FSD2: variants seen among roughly 807,000 people sequenced by gnomAD.
FSD2 encodes the protein fibronectin type III and SPRY domain containing 2.
FSD2 carries 71 observed loss-of-function variants against 80.4 expected under a neutral mutation model. The observed-to-expected ratio is 0.88, with a 90% CI of 0.73 to 1.08. FSD2 has a LOEUF of 1.08. Ranked by LOEUF, FSD2 falls within the 50% of genes least tolerant of loss-of-function variation. The pLI is 0.00. For synonymous variants in FSD2, 361 were observed against 329.5 expected, an observed-to-expected ratio of 1.10 and a Z score of -1.03; for missense variants, 923 against 913.8, an observed-to-expected ratio of 1.01 and a Z score of -0.13.
intron 9 of FSD2, 76 bp from the exon 10 acceptor site, chr15:82,766,107 G>A: frequency 6.9e-7 from 1 of 1,455,478 alleles, no homozygotes; most frequent in Non-Finnish European, 9.1e-7. Flanking sequence ...CCCTTTCAAA[G>A]CTGGAAGGTT....
At chr15:82,798,013 T>G (rs558237421) in intron 1 of FSD2, among the ~76,000 whole-genome samples, 1 of 152,024 alleles carries the variant, frequency 6.6e-6, no homozygotes, top group Non-Finnish European at 1.5e-5. Context: ...AGAAGTATCA[T>G]AGATGACCAA....
At position 82,772,087 on chromosome 15, in the gene FSD2, C is replaced by T. The variant is rs770811186; in HGVS notation, c.1253G>A (p.Gly418Glu). The change falls in exon 7 of 13, where the codon GGG becomes GAG. Residue 418 changes from glycine to glutamate, a missense_variant. Transcript: ENST00000334574. ...SYRPVQDSSP[G>E]TDQAEFTVTV... is the part of the protein sequence containing the mutation. ...CAGAGCCTCACCTGCTTGGTCCGTCCCAGGTGAGCTGTCCTGCACTGGCCG... is the reference window on the plus strand; with the variant it reads ...CAGAGCCTCACCTGCTTGGTCCGTCTCAGGTGAGCTGTCCTGCACTGGCCG... 11 of 1,578,580 alleles carry T rather than the reference C, an allele frequency of 7.0e-6. No individual in the cohort carries two copies. In the South Asian group the frequency reaches 1.1e-4, roughly 15 times the overall value.
chr15:82,774,540 T>TA (rs2049666205), intron 6 of FSD2, among the ~76,000 whole-genome samples: 1 of 152,190 alleles, frequency 6.6e-6, no homozygotes, highest in Non-Finnish European at 1.5e-5. Context: ...GTCACACTGC[T>TA]AGGAAGTGGC....
At chr15:82,776,489 G>A (rs1225144346) in intron 6 of FSD2, among the ~76,000 whole-genome samples, 1 of 152,040 alleles carries the variant, frequency 6.6e-6, no homozygotes, top group Non-Finnish European at 1.5e-5. Flanking sequence ...GTGTTAAAAT[G>A]CATCAAAAAG....
intron 3 of FSD2, among the ~76,000 whole-genome samples, chr15:82,784,260 T>A (rs8028917): frequency 0.25 from 33,837 of 133,044 alleles, 4,102 homozygotes; most frequent in African/African-American, 0.34. Context: ...ATTTTATTTT[T>A]TTTTTATGGA....
In FSD2 at chr15:82,782,861, A is replaced by G; in HGVS notation, c.900T>C (p.Asp300=). The G allele has an allele frequency of 2.5e-6, 4 of 1,613,948 alleles. No homozygotes were observed. Among genetic ancestry groups the G allele is most frequent in the Non-Finnish European group, 3.4e-6 (4 of 1,179,898 alleles). ...GQLVSCGENL[D]TCKELMETIE... ...TTGTTTCCATCAGTTCTTTGCAAGTATCTAGGTTTTCTCCACAGCTGACCA... is the reference window on the plus strand; with the variant it reads ...TTGTTTCCATCAGTTCTTTGCAAGTGTCTAGGTTTTCTCCACAGCTGACCA... The change falls in exon 4 of 13, where the codon GAT becomes GAC. Residue 300 remains aspartate (D), a synonymous_variant. Transcript: ENST00000334574.
At chr15:82,797,683 G>A (rs1042595680) in intron 1 of FSD2, among the ~76,000 whole-genome samples, 11 of 152,102 alleles carry the variant, frequency 7.2e-5, no homozygotes, top group South Asian at 2.1e-4. Context: ...GGTGGCGGGC[G>A]CCTGTAGTCC....
chr15:82,803,837 G>C (rs146649372), intron 1 of FSD2, among the ~76,000 whole-genome samples: 253 of 152,228 alleles, frequency 1.7e-3, no homozygotes, highest in African/African-American at 6.0e-3. Context: ...GATTCAGAGA[G>C]TCCTGTGTTT....
chr15:82,783,085 T>C, intron 3 of FSD2, 60 bp from the exon 4 acceptor site: 1 of 1,233,066 alleles, frequency 8.1e-7, no homozygotes. Flanking sequence ...ATTAGAGTCT[T>C]TTGTTTTTTG....
chr15:82,790,548 G>A (rs942082803), intron 1 of FSD2, among the ~76,000 whole-genome samples: 12 of 151,314 alleles, frequency 7.9e-5, no homozygotes, highest in South Asian at 2.1e-4. Flanking sequence ...TGCCATTTGT[G>A]TGTGTGTGTG....
In FSD2 at chr15:82,768,811, A is replaced by C. The variant is rs923837855; in HGVS notation, c.1553+69T>G. On this transcript the variant is annotated intron_variant, in intron 9 of 12. Transcript: ENST00000334574. ...CCAACCTTCTCTTCAGACTCCGTAT[A>C]CTTCCTAAGCCATGTCACTGTATCA... 14 of 1,295,594 alleles carry C rather than the reference A, an allele frequency of 1.1e-5. No homozygotes were observed. In the African/African-American group the frequency reaches 2.1e-4, roughly 20 times the overall value. 80.3% of individuals were successfully genotyped at this position (1,295,594 alleles called of 1,614,324 possible).
At position 82,768,927 on chromosome 15, in the gene FSD2, A is replaced by G. The variant is rs749681750; in HGVS notation, c.1506T>C (p.Thr502=). The change falls in exon 9 of 13, where the codon ACT becomes ACC. Residue 502 remains threonine (T), a synonymous_variant. Coordinates refer to ENST00000334574, the MANE Select transcript of FSD2 (RefSeq NM_001007122.4). ...GACTTTCAGCCTGGGTCAGCTCCAC[A>G]GTGTACGAGTCCACAGGATTCAGGT... ...SGNLNPVDSY[T]VELTQAESPE... 1.1e-5 allele frequency: 18 copies of G among 1,602,184 alleles called. No individual in the cohort carries two copies. The highest frequency in any genetic ancestry group is 1.5e-5 in the Non-Finnish European group (18 of 1,174,508).
chr15:82,795,178 C>G (rs747086713), intron 1 of FSD2, among the ~76,000 whole-genome samples: 3 of 152,118 alleles, frequency 2.0e-5, no homozygotes, highest in Non-Finnish European at 2.9e-5. Context: ...TAGTTTCAAT[C>G]TATTTGTATT....
intron 1 of FSD2, among the ~76,000 whole-genome samples, chr15:82,792,343 T>C (rs934506551): frequency 1.3e-5 from 2 of 152,260 alleles, no homozygotes; most frequent in African/African-American, 4.8e-5. Context: ...ATTGTGGTTT[T>C]GATTTGCATG....
At chr15:82,762,379 C>T (rs1426096221) in intron 11 of FSD2, 101 bp from the exon 12 acceptor site, 16 of 1,136,626 alleles carry the variant, frequency 1.4e-5, no homozygotes, top group South Asian at 3.2e-5. Context: ...CGGTGGTCTA[C>T]GAACGTGGTG....
intron 9 of FSD2, among the ~76,000 whole-genome samples, chr15:82,767,432 G>A (rs901117136): frequency 2.6e-5 from 4 of 152,218 alleles, no homozygotes; most frequent in African/African-American, 9.7e-5. Flanking sequence ...GATCTTGAGA[G>A]GGAGGGGAGC....
In FSD2 at chr15:82,769,796, G is replaced by A. The variant is rs770144458; in HGVS notation, c.1356C>T (p.Asn452=). ...TQYEFWVTAH[N]RAGPSPSSER... ...CGCTAGAGGGGCTGGGGCCAGCCCT[G>A]TTGTGAGCTGTGACCCAAAATTCAT... Residue 452 remains asparagine, a synonymous_variant, in exon 8 of 13, where the codon AAC becomes AAT. Coordinates refer to ENST00000334574, the MANE Select transcript of FSD2 (RefSeq NM_001007122.4). The A allele has an allele frequency of 9.9e-6, 16 of 1,613,808 alleles. No individual in the cohort carries two copies. Among genetic ancestry groups the A allele is most frequent in the African/African-American group, 6.7e-5 (5 of 74,900 alleles).
intron 5 of FSD2, among the ~76,000 whole-genome samples, chr15:82,779,643 GC>G (rs1163896275): frequency 1.7e-4 from 26 of 148,894 alleles, no homozygotes; most frequent in African/African-American, 6.5e-4. Context: ...TCCAGCCTGG[GC>G]AACAAGAACG....
intron 1 of FSD2, among the ~76,000 whole-genome samples, chr15:82,804,764 A>G (rs889491765): frequency 2.0e-5 from 3 of 152,356 alleles, no homozygotes; most frequent in Middle Eastern, 6.8e-3. Context: ...ATAAGAACAC[A>G]TGCTTTCAAG....
Sources: gnomAD v4.1 joint callset for allele counts (sites outside exome capture counted in the v4.1 genomes callset) on GRCh38, gnomAD v4.1.1 for gene constraint, MANE v1.5 for transcripts, NCBI Gene and HGNC (gene_info 2026-07-23, HGNC 2026-07-21) for gene names.